Variants in HMOX2 observed in about 807,000 individuals in gnomAD.
HMOX2 encodes the protein heme oxygenase 2.
HMOX2 carries 30 observed loss-of-function variants against 33.7 expected under a neutral mutation model. The observed-to-expected ratio is 0.89, with a 90% CI of 0.67 to 1.21. The LOEUF is 1.21. Ranked by LOEUF, HMOX2 falls within the 50% of genes most tolerant of loss-of-function variation. The pLI, the probability that HMOX2 is intolerant of heterozygous loss-of-function variation, is 0.00. For synonymous variants in HMOX2, 155 were observed against 155.0 expected, an observed-to-expected ratio of 1.00 and a Z score of 0.00; for missense variants, 403 against 399.1, an observed-to-expected ratio of 1.01 and a Z score of -0.08.
chr16:4,495,968 A>G (rs2058407796), intron 1 of HMOX2: 1 of 152,172 alleles, frequency 6.6e-6, no homozygotes, highest in Non-Finnish European at 1.5e-5. Flanking sequence ...TTAGTCATCA[A>G]AAATAGATCT....
At chr16:4,481,450 A>T (rs1402679080) in intron 1 of HMOX2, among the ~76,000 whole-genome samples, 1 of 152,036 alleles carries the variant, frequency 6.6e-6, no homozygotes, top group African/African-American at 2.4e-5. Context: ...AGTAGCTGTG[A>T]TGATCATAAT....
chr16:4,486,133 G>C (rs1442656680), intron 1 of HMOX2, among the ~76,000 whole-genome samples: 1 of 152,210 alleles, frequency 6.6e-6, no homozygotes. Context: ...GTTCTGACAA[G>C]TACCCTTTCT....
At chr16:4,492,733 A>G (rs1297994609) in intron 1 of HMOX2, among the ~76,000 whole-genome samples, 1 of 150,642 alleles carries the variant, frequency 6.6e-6, no homozygotes, top group Non-Finnish European at 1.5e-5. Flanking sequence ...CAAAACAACA[A>G]CAACAACAAA....
chr16:4,507,952 A>C lies in HMOX2; in HGVS notation c.444A>C (p.Leu148=), dbSNP rs2058736710. Residue 148 remains leucine, a synonymous_variant, in exon 4 of 6, where the codon CTA becomes CTC. Coordinates refer to ENST00000570646, the MANE Select transcript of HMOX2 (RefSeq NM_002134.4). ...ACATAGGGCAGAACGAGCCGGAGCTACTGGTGGCCCATGCATACACCCGCT... is the reference window on the plus strand; with the variant it reads ...ACATAGGGCAGAACGAGCCGGAGCTCCTGGTGGCCCATGCATACACCCGCT... ...IHYIGQNEPE[L]LVAHAYTRYM... is the part of the protein sequence containing the mutation. The C allele has an allele frequency of 1.9e-6, 3 of 1,613,752 alleles. No homozygotes were observed. Among genetic ancestry groups the C allele is most frequent in the South Asian group, 2.2e-5 (2 of 91,076 alleles).
chr16:4,484,975 T>G (rs769657361), intron 1 of HMOX2, among the ~76,000 whole-genome samples: 1 of 151,718 alleles, frequency 6.6e-6, no homozygotes, highest in Non-Finnish European at 1.5e-5. Flanking sequence ...GAAGATTGAT[T>G]GGTTGATTGA....
intron 1 of HMOX2, chr16:4,495,948 G>A (rs1446873576): frequency 6.6e-6 from 1 of 152,056 alleles, no homozygotes; most frequent in East Asian, 1.9e-4. Flanking sequence ...ACCAGCCTTG[G>A]CCTGCCCTGT....
intron 1 of HMOX2, among the ~76,000 whole-genome samples, chr16:4,484,512 G>A (rs2058117109): frequency 6.8e-6 from 1 of 146,540 alleles, no homozygotes; most frequent in African/African-American, 2.6e-5. Flanking sequence ...CCAGGCTGGA[G>A]TGCAGTGGTA....
intron 1 of HMOX2, chr16:4,495,590 G>T (rs2058398794): frequency 1.3e-5 from 2 of 152,192 alleles, no homozygotes; most frequent in African/African-American, 2.4e-5. Context: ...CACCTTGTTC[G>T]ATTGACCAAA....
At position 4,509,790 on chromosome 16, in the gene HMOX2, CGACT is replaced by C. The variant is rs753385337; in HGVS notation, c.*38_*41del. The C allele has an allele frequency of 1.1e-5, 17 of 1,595,116 alleles. No homozygotes were observed. The highest frequency in any genetic ancestry group is 2.3e-5 in the East Asian group (1 of 44,110). The stretch of plus-strand genomic sequence containing the variant: ...TCATGCCACACCGGTACCCTCCTCC[CGACT>C]GACCACTGGCCTACCCCTTTCTCCA... On this transcript the variant is annotated 3_prime_UTR_variant, in exon 6 of 6. Transcript: ENST00000570646.
At chr16:4,487,086 G>A (rs1224477591) in intron 1 of HMOX2, among the ~76,000 whole-genome samples, 3 of 152,106 alleles carry the variant, frequency 2.0e-5, no homozygotes, top group Admixed American at 6.6e-5. Flanking sequence ...GTGAGACCCT[G>A]TCTCTACAAA....
chr16:4,488,228 T>C (rs1422574768), intron 1 of HMOX2, among the ~76,000 whole-genome samples: 1 of 152,182 alleles, frequency 6.6e-6, no homozygotes, highest in Non-Finnish European at 1.5e-5. Flanking sequence ...TCTGCTTTTT[T>C]CTAAAGCTAT....
At chr16:4,478,778 A>T (rs1203594031) in intron 1 of HMOX2, among the ~76,000 whole-genome samples, 3 of 151,474 alleles carry the variant, frequency 2.0e-5, no homozygotes, top group African/African-American at 7.3e-5. Context: ...AAAAAAAAAA[A>T]AGAAAGAAAG....
At chr16:4,484,486 A>AGTC (rs2058115910) in intron 1 of HMOX2, among the ~76,000 whole-genome samples, 1 of 108,482 alleles carries the variant, frequency 9.2e-6, no homozygotes, top group Non-Finnish European at 1.9e-5. Flanking sequence ...TTTGAGACGG[A>AGTC]GTCTTGCACT....
At chr16:4,485,953 A>T (rs1326573440) in intron 1 of HMOX2, among the ~76,000 whole-genome samples, 1 of 151,902 alleles carries the variant, frequency 6.6e-6, no homozygotes, top group African/African-American at 2.4e-5. Flanking sequence ...CGAACTCCTG[A>T]CCTCAGGTGA....
intron 1 of HMOX2, among the ~76,000 whole-genome samples, chr16:4,481,411 G>A (rs777828303): frequency 5.9e-5 from 9 of 151,602 alleles, no homozygotes; most frequent in Non-Finnish European, 8.8e-5. Context: ...CCTGATTTTA[G>A]TTAATCTAGT....
At chr16:4,480,500 A>G (rs2057994259) in intron 1 of HMOX2, among the ~76,000 whole-genome samples, 1 of 151,370 alleles carries the variant, frequency 6.6e-6, no homozygotes, top group Admixed American at 6.6e-5. Context: ...GTGTGCCACC[A>G]CACCCAGTTA....
chr16:4,475,818 A>C (rs1425060267), upstream of HMOX2: 1 of 152,082 alleles, frequency 6.6e-6, no homozygotes, highest in African/African-American at 2.4e-5. Flanking sequence ...AGGCGCTTGT[A>C]ATCCCAGCTA....
intron 1 of HMOX2, among the ~76,000 whole-genome samples, chr16:4,493,106 T>C (rs1223475727): frequency 6.6e-6 from 1 of 152,188 alleles, no homozygotes; most frequent in Non-Finnish European, 1.5e-5. Context: ...CAGTCATAGC[T>C]CACTGCCGCC....
At chr16:4,493,832 C>G (rs2058357040) in intron 1 of HMOX2, among the ~76,000 whole-genome samples, 1 of 152,222 alleles carries the variant, frequency 6.6e-6, no homozygotes, top group Non-Finnish European at 1.5e-5. Flanking sequence ...AACCCAATTT[C>G]TACAAACTTT....
Sources: gnomAD v4.1 joint callset for allele counts (sites outside exome capture counted in the v4.1 genomes callset) on GRCh38, gnomAD v4.1.1 for gene constraint, MANE v1.5 for transcripts, NCBI Gene and HGNC (gene_info 2026-07-23, HGNC 2026-07-21) for gene names.